SBF2: variants seen among roughly 807,000 people sequenced by gnomAD.
SBF2 encodes SET binding factor 2, also known as myotubularin-related protein 13.
SBF2 carries 112 observed loss-of-function variants against 225.2 expected under a neutral mutation model. The observed-to-expected ratio is 0.50, with a 90% CI of 0.43 to 0.58. The LOEUF is 0.58. Ranked by LOEUF, SBF2 falls within the 20% of genes least tolerant of loss-of-function variation. The pLI is 0.00. For missense variants in SBF2, 1,996 were observed against 2,206.2 expected (o/e 0.90, Z 1.91); for synonymous variants, 763 against 773.3 (o/e 0.99, Z 0.22).
chr11:10,124,390 C>T (rs1953638164), intron 2 of SBF2, among the ~76,000 whole-genome samples: 2 of 152,050 alleles, frequency 1.3e-5, no homozygotes, highest in African/African-American at 4.8e-5. Flanking sequence ...CATTTCCGTC[C>T]TAGAGAAAGC....
intron 2 of SBF2, among the ~76,000 whole-genome samples, chr11:10,172,180 T>C (rs964855277): frequency 6.6e-6 from 1 of 152,080 alleles, no homozygotes; most frequent in African/African-American, 2.4e-5. Flanking sequence ...TAATCTTGGG[T>C]TTGGTTTGCT....
intron 2 of SBF2, among the ~76,000 whole-genome samples, chr11:10,158,628 T>C (rs1046402404): frequency 1.6e-4 from 24 of 152,126 alleles, no homozygotes; most frequent in African/African-American, 4.8e-4. Context: ...CATGAAGAAA[T>C]AGGAAATCTG....
chr11:9,981,947 C>A (rs1261790123), intron 13 of SBF2, among the ~76,000 whole-genome samples: 1 of 152,186 alleles, frequency 6.6e-6, no homozygotes, highest in Admixed American at 6.5e-5. Context: ...TTTCTTAGGA[C>A]TCAAAACTTC....
At chr11:10,216,764 T>C (rs1239146162) in intron 1 of SBF2, among the ~76,000 whole-genome samples, 2 of 151,928 alleles carry the variant, frequency 1.3e-5, no homozygotes, top group South Asian at 4.2e-4. Flanking sequence ...CAGCTACTCG[T>C]GAGGCTGAGG....
At chr11:9,784,248 A>G (rs1852220054) in intron 38 of SBF2, 103 bp downstream of exon 38, 1 of 880,912 alleles carries the variant, frequency 1.1e-6, no homozygotes, top group East Asian at 2.4e-5. Context: ...CTAAAAAAGC[A>G]GTCTGTACAT....
chr11:10,198,608 C>A (rs1158531611), intron 1 of SBF2, among the ~76,000 whole-genome samples: 1 of 152,190 alleles, frequency 6.6e-6, no homozygotes, highest in African/African-American at 2.4e-5. Context: ...TTCTTTGAAG[C>A]CAAGCATTTA....
intron 39 of SBF2, 60 bp downstream of exon 39, chr11:9,781,447 T>G: frequency 6.2e-7 from 1 of 1,605,328 alleles, no homozygotes; most frequent in Non-Finnish European, 8.5e-7. Context: ...CCATCATTCT[T>G]GGAGACAGAC....
At position 9,808,994 on chromosome 11, in the gene SBF2, C is replaced by T. The variant is rs756204042; in HGVS notation, c.4164G>A (p.Arg1388=). The T allele has an allele frequency of 6.2e-7, 1 of 1,613,542 alleles. No individual in the cohort carries two copies. The highest frequency in any genetic ancestry group is 1.7e-5 in the Admixed American group (1 of 60,030). Residue 1388 remains arginine, a synonymous_variant, in exon 31 of 40, where the codon AGG becomes AGA. Coordinates refer to ENST00000256190, the MANE Select transcript of SBF2 (RefSeq NM_030962.4). ...GDSEWFPQLH[R]IMQLAVVVSE... ...ATACAACCACAGCCAGCTGCATTAT[C>T]CTGTGAAGCTAAGAGACAGGAAGGA...
chr11:9,836,380 G>A (rs1476304202), intron 26 of SBF2, among the ~76,000 whole-genome samples: 6 of 152,044 alleles, frequency 3.9e-5, no homozygotes, highest in Admixed American at 6.6e-5. Flanking sequence ...TCTATCCACT[G>A]CTCTTAAGTG....
chr11:10,101,745 A>G (rs1346926540), intron 2 of SBF2, among the ~76,000 whole-genome samples: 3 of 151,906 alleles, frequency 2.0e-5, no homozygotes, highest in African/African-American at 7.3e-5. Context: ...TTAATAGAAA[A>G]AAAGGATTTG....
At chr11:10,196,568 C>T (rs928618256) in intron 1 of SBF2, among the ~76,000 whole-genome samples, 2 of 151,492 alleles carry the variant, frequency 1.3e-5, no homozygotes, top group African/African-American at 2.4e-5. Context: ...TTGTAGAGAC[C>T]GGGTTTCGCC....
intron 1 of SBF2, among the ~76,000 whole-genome samples, chr11:10,270,778 G>C (rs1325362711): frequency 1.3e-5 from 2 of 152,040 alleles, no homozygotes; most frequent in African/African-American, 2.4e-5. Context: ...CGGATCACAA[G>C]ATCAGGAGAT....
At chr11:10,073,518 G>A (rs548555675) in intron 2 of SBF2, among the ~76,000 whole-genome samples, 123 of 152,204 alleles carry the variant, frequency 8.1e-4, no homozygotes, top group African/African-American at 2.9e-3. Flanking sequence ...TTTGAGACCA[G>A]CCTGGCCTAC....
chr11:10,289,878 G>C (rs1448158085), intron 1 of SBF2, among the ~76,000 whole-genome samples: 1 of 152,140 alleles, frequency 6.6e-6, no homozygotes, highest in Non-Finnish European at 1.5e-5. Context: ...GTCAGGAGCT[G>C]GGGAGGCTCC....
intron 16 of SBF2, among the ~76,000 whole-genome samples, chr11:9,927,373 C>T (rs975363406): frequency 1.3e-5 from 2 of 152,106 alleles, no homozygotes; most frequent in Non-Finnish European, 2.9e-5. Context: ...GTATGCACTT[C>T]CCAACTGATT....
chr11:10,085,473 T>C (rs1369643057), intron 2 of SBF2, among the ~76,000 whole-genome samples: 2 of 152,208 alleles, frequency 1.3e-5, no homozygotes, highest in African/African-American at 4.8e-5. Flanking sequence ...AATGACTGTA[T>C]TTTTATTTTC....
chr11:9,859,127 C>A (rs1857529299), intron 17 of SBF2, among the ~76,000 whole-genome samples: 1 of 152,166 alleles, frequency 6.6e-6, no homozygotes, highest in Non-Finnish European at 1.5e-5. Context: ...ATGAACTCTG[C>A]AGGCATTTAG....
chr11:9,875,672 C>T (rs921019287), intron 17 of SBF2, among the ~76,000 whole-genome samples: 2 of 152,216 alleles, frequency 1.3e-5, no homozygotes, highest in Non-Finnish European at 2.9e-5. Context: ...CATATATCTT[C>T]TCTATTTGCC....
chr11:9,854,441 ATTAAC>A (rs1185655761), intron 19 of SBF2, among the ~76,000 whole-genome samples: 17 of 152,306 alleles, frequency 1.1e-4, no homozygotes, highest in Admixed American at 4.6e-4. Flanking sequence ...GTCTGTTCCT[ATTAAC>A]TTCTCTTTTC....
Sources: gnomAD v4.1 joint callset for allele counts (sites outside exome capture counted in the v4.1 genomes callset) on GRCh38, gnomAD v4.1.1 for gene constraint, MANE v1.5 for transcripts, NCBI Gene and HGNC (gene_info 2026-07-23, HGNC 2026-07-21) for gene names.